The following CYRIA variants were observed in gnomAD, a reference collection of about 807,000 sequenced individuals.
The protein encoded by CYRIA is CYFIP-related Rac1 interactor A.
In CYRIA, 15 loss-of-function variants were observed where a neutral mutation model predicts 43.9. The observed-to-expected ratio is 0.34, with a 90% CI of 0.23 to 0.53. The LOEUF (loss-of-function observed/expected upper bound fraction) is 0.53, where lower values mean the gene tolerates loss of function less well. Ranked by LOEUF, CYRIA falls within the 20% of genes least tolerant of loss-of-function variation. The probability of loss-of-function intolerance (pLI) is 0.94; values close to 1 mark genes in which losing one functional copy is unlikely to be tolerated. For synonymous variants in CYRIA, 117 were observed against 136.0 expected, an observed-to-expected ratio of 0.86 and a Z score of 0.97; for missense variants, 236 against 394.2, an observed-to-expected ratio of 0.60 and a Z score of 3.40.
chr2:16,607,966 C>T (rs887474270), intron 2 of CYRIA, among the ~76,000 whole-genome samples: 1 of 152,166 alleles, frequency 6.6e-6, no homozygotes, highest in Non-Finnish European at 1.5e-5. Context: ...ATCGTTTCTC[C>T]CAGTAACCTC....
At chr2:16,601,469 T>C (rs1668203635) in intron 2 of CYRIA, among the ~76,000 whole-genome samples, 1 of 152,152 alleles carries the variant, frequency 6.6e-6, no homozygotes, top group South Asian at 2.1e-4. Context: ...GTCTAGAATA[T>C]GGGTGTTTCT....
chr2:16,582,735 T>A (rs780850821), intron 3 of CYRIA, among the ~76,000 whole-genome samples: 8 of 152,212 alleles, frequency 5.3e-5, no homozygotes, highest in Non-Finnish European at 1.2e-4. Flanking sequence ...TGAATTGATA[T>A]AACATTTCAT....
chr2:16,646,819 T>A (rs1447690285), intron 1 of CYRIA, among the ~76,000 whole-genome samples: 1 of 147,816 alleles, frequency 6.8e-6, no homozygotes, highest in African/African-American at 2.7e-5. Context: ...AAAAGGTGAA[T>A]TAAAGGGGGG....
At chr2:16,607,855 C>A (rs1668462060) in intron 2 of CYRIA, among the ~76,000 whole-genome samples, 1 of 152,286 alleles carries the variant, frequency 6.6e-6, no homozygotes, top group East Asian at 1.9e-4. Context: ...CCTAGGCCTC[C>A]CAAAGTGCTG....
At chr2:16,651,239 C>G (rs965321798) in intron 1 of CYRIA, among the ~76,000 whole-genome samples, 5 of 152,342 alleles carry the variant, frequency 3.3e-5, no homozygotes, top group African/African-American at 1.2e-4. Context: ...TGTATACCCA[C>G]AGATGCTGTT....
At chr2:16,636,947 G>A (rs367962020) in intron 1 of CYRIA, among the ~76,000 whole-genome samples, 1 of 152,140 alleles carries the variant, frequency 6.6e-6, no homozygotes, top group Admixed American at 6.5e-5. Flanking sequence ...CTGTACTCCA[G>A]CCTGGGTGAC....
Position 16,588,125 on chromosome 2 carries a change from C to T in CYRIA, c.-6G>A, listed in dbSNP as rs1344084442. On this transcript the variant is annotated 5_prime_UTR_variant, in exon 3 of 12. Coordinates refer to ENST00000381323, the MANE Select transcript of CYRIA (RefSeq NM_030797.4). ...ACTTTGAGCAGGTTTCCCATCCCAG[C>T]AAACCTAGGAAAGGCAACACAAAAC... is the stretch of plus-strand genomic sequence containing the variant. The T allele has an allele frequency of 6.2e-7, 1 of 1,601,214 alleles. No homozygotes were observed. The highest frequency in any genetic ancestry group is 1.7e-5 in the Admixed American group (1 of 58,512).
chr2:16,582,281 T>C (rs1203080993), intron 3 of CYRIA, among the ~76,000 whole-genome samples: 2 of 152,174 alleles, frequency 1.3e-5, no homozygotes, highest in Non-Finnish European at 2.9e-5. Flanking sequence ...ATGTCAGCAT[T>C]AGGCAGAAGA....
intron 2 of CYRIA, among the ~76,000 whole-genome samples, chr2:16,593,905 G>A (rs1668024900): frequency 7.5e-6 from 1 of 133,274 alleles, no homozygotes; most frequent in East Asian, 2.3e-4. Context: ...AGTCCCCAGA[G>A]TGTGATATTC....
intron 1 of CYRIA, among the ~76,000 whole-genome samples, chr2:16,627,197 A>T (rs1669197836): frequency 6.6e-6 from 1 of 152,224 alleles, no homozygotes; most frequent in South Asian, 2.1e-4. Flanking sequence ...AGCAAGGCAC[A>T]ACAACTGAAG....
rs1346503479 is a variant in CYRIA, at chr2:16,650,718, C to T, written c.-167+15062G>A. 6.6e-6 allele frequency among the ~76,000 whole-genome samples: 1 copy of T among 152,166 alleles called. No individual in the cohort carries two copies. Among genetic ancestry groups the T allele is most frequent in the African/African-American group, 2.4e-5 (1 of 41,440 alleles). Reference sequence around the variant, plus strand: ...GTATCTCAGAATGCCCATTACATGCCTGCAACCGGCACCGGGAATGGCAAC... The same window carrying T: ...GTATCTCAGAATGCCCATTACATGCTTGCAACCGGCACCGGGAATGGCAAC... On this transcript the variant is annotated intron_variant, in intron 1 of 11. Transcript: ENST00000381323. The surrounding 1 kb of genome is among the most constrained non-coding windows in gnomAD (Gnocchi z 4.1).
At chr2:16,597,224 A>G (rs1668059369) in intron 2 of CYRIA, among the ~76,000 whole-genome samples, 1 of 100,952 alleles carries the variant, frequency 9.9e-6, no homozygotes, top group African/African-American at 5.4e-5. Context: ...TGGGGTTGAG[A>G]GTTCTGTAGA....
rs956636648 is a variant in CYRIA at position 16,559,967 on chromosome 2, C to T, written c.711-381G>A. Among the ~76,000 whole-genome samples, 10 of 152,146 alleles carry T rather than the reference C, an allele frequency of 6.6e-5. No homozygotes were observed. The South Asian group carries it at 1.0e-3, about 16-fold the overall frequency. On this transcript the variant is annotated intron_variant, in intron 9 of 11. Coordinates refer to ENST00000381323, the MANE Select transcript of CYRIA (RefSeq NM_030797.4). Reference sequence around the variant, plus strand: ...AGAAAAAGAATTAGGCTCATTTCTACGGAGCAGCTATCATGTCTCCAGTCG... The same window carrying T: ...AGAAAAAGAATTAGGCTCATTTCTATGGAGCAGCTATCATGTCTCCAGTCG...
chr2:16,578,847 A>G (rs1222958185), intron 3 of CYRIA, among the ~76,000 whole-genome samples: 4 of 152,188 alleles, frequency 2.6e-5, no homozygotes, highest in Non-Finnish European at 5.9e-5. Flanking sequence ...ACAGAAAAAG[A>G]CATTTGAAAA....
chr2:16,588,382 A>G (rs1393363220), intron 2 of CYRIA, among the ~76,000 whole-genome samples: 1 of 151,924 alleles, frequency 6.6e-6, no homozygotes, highest in Non-Finnish European at 1.5e-5. Flanking sequence ...AAGTGTTACA[A>G]TCTCTCTCGA....
chr2:16,576,912 A>ATGCTAAGC lies in CYRIA; in HGVS notation c.70+11137_70+11138insGCTTAGCA, dbSNP rs1667371821. On this transcript the variant is annotated intron_variant, in intron 3 of 11. Transcript: ENST00000381323. ...ATTATGCTAAGCAAAATAAACAAGT[A>ATGCTAAGC]ACAGCAAAACACAAACTGCATGATT... 2.0e-5 allele frequency among the ~76,000 whole-genome samples: 3 copies of ATGCTAAGC among 152,236 alleles called. No homozygotes were observed. In the South Asian group the frequency reaches 6.2e-4, roughly 32 times the overall value.
chr2:16,556,028 T>C (rs1666497851), intron 10 of CYRIA, among the ~76,000 whole-genome samples: 1 of 152,162 alleles, frequency 6.6e-6, no homozygotes, highest in African/African-American at 2.4e-5. Flanking sequence ...CACATTACAT[T>C]ATGCATATCC....
At chr2:16,661,208 G>A (rs972668620) in intron 1 of CYRIA, among the ~76,000 whole-genome samples, 4 of 152,132 alleles carry the variant, frequency 2.6e-5, no homozygotes, top group Non-Finnish European at 5.9e-5. Flanking sequence ...TGAGGAGGTT[G>A]AGGCTGCAGT....
At chr2:16,600,131 A>C (rs745971716) in intron 2 of CYRIA, among the ~76,000 whole-genome samples, 1 of 152,250 alleles carries the variant, frequency 6.6e-6, no homozygotes, top group Non-Finnish European at 1.5e-5. Flanking sequence ...AGGAAAACAA[A>C]TGTCTAATAA....
Sources: gnomAD v4.1 joint callset for allele counts (sites outside exome capture counted in the v4.1 genomes callset) on GRCh38, gnomAD v4.1.1 for gene constraint, Gnocchi (gnomAD v3.1) non-coding constraint, MANE v1.5 for transcripts, NCBI Gene and HGNC (gene_info 2026-07-23, HGNC 2026-07-21) for gene names.